ANK2: variants seen among roughly 807,000 people sequenced by gnomAD.
ANK2 encodes ankyrin 2, also known as ankyrin-2.
In ANK2, 83 loss-of-function variants were observed where a neutral mutation model predicts 360.5. That is an observed-to-expected ratio of 0.23 (90% CI 0.19 to 0.28). ANK2 has a LOEUF of 0.28. Among genes scored for constraint, ANK2 ranks in the 10% least tolerant of loss-of-function variants. ANK2 has a pLI of 1.00. For missense variants in ANK2, 4,201 were observed against 4,795.7 expected (o/e 0.88, Z 3.66); for synonymous variants, 1,740 against 1,759.5 (o/e 0.99, Z 0.28).
chr4:113,237,567 T>C, intron 6 of ANK2, 32 bp from the exon 7 acceptor site: 1 of 1,595,796 alleles, frequency 6.3e-7, no homozygotes, highest in Non-Finnish European at 8.6e-7. Context: ...GTGTAATATC[T>C]TCCCTCTTTC....
At chr4:113,242,643 C>T (rs1308377971) in intron 9 of ANK2, among the ~76,000 whole-genome samples, 1 of 152,154 alleles carries the variant, frequency 6.6e-6, no homozygotes, top group African/African-American at 2.4e-5. Context: ...ATTCATTTTT[C>T]TTAAGCAGCT....
chr4:112,851,377 A>G (rs181519360), intron 1 of ANK2, among the ~76,000 whole-genome samples: 158 of 152,272 alleles, frequency 1.0e-3, no homozygotes, highest in African/African-American at 3.2e-3. Context: ...GAGTGAGACC[A>G]AGGTAGTGAC....
chr4:112,808,349 G>A, the ANK2 span, among the ~76,000 whole-genome samples: 1 of 152,180 alleles, frequency 6.6e-6, no homozygotes, highest in African/African-American at 2.4e-5. Flanking sequence ...GGAAATGGCT[G>A]AATAAAGTGG....
intron 4 of ANK2, among the ~76,000 whole-genome samples, chr4:113,225,454 A>G (rs2099206995): frequency 6.6e-6 from 1 of 152,174 alleles, no homozygotes; most frequent in South Asian, 2.1e-4. Flanking sequence ...TATTAAGATA[A>G]AAGTAATTTT....
intron 45 of ANK2, among the ~76,000 whole-genome samples, chr4:113,374,269 C>T (rs2154076909): frequency 6.6e-6 from 1 of 152,226 alleles, no homozygotes; most frequent in South Asian, 2.1e-4. Context: ...TTTTCAGGGA[C>T]ATATTTACTT....
chr4:113,263,028 A>G (rs1194124905), intron 13 of ANK2, among the ~76,000 whole-genome samples: 1 of 151,562 alleles, frequency 6.6e-6, no homozygotes, highest in African/African-American at 2.4e-5. Context: ...TCTCTACTAA[A>G]ATTACAAAAA....
intron 1 of ANK2, among the ~76,000 whole-genome samples, chr4:113,158,082 G>T (rs1457083641): frequency 6.6e-6 from 1 of 152,190 alleles, no homozygotes; most frequent in Non-Finnish European, 1.5e-5. Flanking sequence ...ATATTGTAGA[G>T]TCTCTTGAGT....
intron 2 of ANK2, among the ~76,000 whole-genome samples, chr4:112,943,877 A>C (rs1581627631): frequency 1.3e-5 from 2 of 152,120 alleles, no homozygotes; most frequent in African/African-American, 4.8e-5. Context: ...TCTTGTTAAT[A>C]ATTTTTAATT....
the ANK2 span, among the ~76,000 whole-genome samples, chr4:112,768,418 T>A: frequency 6.6e-6 from 1 of 152,020 alleles, no homozygotes; most frequent in African/African-American, 2.4e-5. Context: ...CATGCCCAGT[T>A]AATTTTTGTA....
intron 1 of ANK2, among the ~76,000 whole-genome samples, chr4:113,074,205 A>G (rs1478578834): frequency 6.6e-6 from 1 of 152,200 alleles, no homozygotes; most frequent in Admixed American, 6.5e-5. Context: ...GCAACTTTTA[A>G]TGTTCAACTT....
chr4:112,809,342 A>G, the ANK2 span, among the ~76,000 whole-genome samples: 1 of 149,860 alleles, frequency 6.7e-6, no homozygotes, highest in African/African-American at 2.5e-5. Flanking sequence ...CGGATGGATC[A>G]CGAGGTCAGG....
chr4:112,927,109 C>T (rs1401493142), intron 2 of ANK2, among the ~76,000 whole-genome samples: 2 of 152,118 alleles, frequency 1.3e-5, no homozygotes, highest in African/African-American at 4.8e-5. Context: ...GGAACCACCC[C>T]CATGATTCAA....
intron 9 of ANK2, among the ~76,000 whole-genome samples, chr4:113,247,671 T>G (rs1366657174): frequency 6.6e-6 from 1 of 152,200 alleles, no homozygotes; most frequent in African/African-American, 2.4e-5. Flanking sequence ...AGAAACATCA[T>G]CTCCACTCTA....
chr4:112,753,931 C>G, the ANK2 span, among the ~76,000 whole-genome samples: 1 of 151,848 alleles, frequency 6.6e-6, no homozygotes, highest in Non-Finnish European at 1.5e-5. Flanking sequence ...AACCCTGTCT[C>G]TACTACAAAT....
chr4:112,952,743 A>G (rs534423955), intron 2 of ANK2, among the ~76,000 whole-genome samples: 1 of 152,312 alleles, frequency 6.6e-6, no homozygotes, highest in South Asian at 2.1e-4. Flanking sequence ...TTCAACTAAA[A>G]TATCTCTTAG....
chr4:113,381,080 G>T (rs1191363461), intron 45 of ANK2, among the ~76,000 whole-genome samples: 1 of 152,154 alleles, frequency 6.6e-6, no homozygotes, highest in African/African-American at 2.4e-5. Context: ...AAAGGTACTT[G>T]TGGTACTATT....
chr4:113,188,569 A>G (rs1168738955), intron 2 of ANK2, among the ~76,000 whole-genome samples: 3 of 152,224 alleles, frequency 2.0e-5, no homozygotes, highest in Non-Finnish European at 4.4e-5. Context: ...AAACACAATC[A>G]GAAGCATGAT....
chr4:112,801,358 ACT>A, the ANK2 span, among the ~76,000 whole-genome samples: 4 of 152,134 alleles, frequency 2.6e-5, no homozygotes, highest in Non-Finnish European at 5.9e-5. Flanking sequence ...GATCTGCATT[ACT>A]CTTTGTACTT....
chr4:113,367,426 T>A, intron 41 of ANK2, 140 bp from the exon 42 acceptor site: 2 of 781,548 alleles, frequency 2.6e-6, no homozygotes, highest in East Asian at 5.4e-5. Flanking sequence ...GTCTTCTTCA[T>A]CTTTGTAATC....
Sources: allele counts gnomAD v4.1 joint callset (sites outside exome capture counted in the v4.1 genomes callset), GRCh38; gene constraint gnomAD v4.1.1; transcripts MANE v1.5; gene names NCBI Gene and HGNC (gene_info 2026-07-23, HGNC 2026-07-21).